KIF18A: variants seen among roughly 807,000 people sequenced by gnomAD.
KIF18A encodes kinesin-like protein KIF18A.
A neutral mutation model predicts 103.3 loss-of-function variants in KIF18A; 67 were observed. The observed-to-expected ratio is 0.65, with a 90% CI of 0.53 to 0.79. The LOEUF (loss-of-function observed/expected upper bound fraction) is 0.79. Among genes scored for constraint, KIF18A ranks in the 30% least tolerant of loss-of-function variants. The pLI is 0.00. For missense variants in KIF18A, 1,032 were observed against 1,062.5 expected, an observed-to-expected ratio of 0.97 and a Z score of 0.40; for synonymous variants, 367 against 355.5, an observed-to-expected ratio of 1.03 and a Z score of -0.36.
chr11:28,077,245 C>T, intron 9 of KIF18A, 76 bp from the exon 10 acceptor site: 1 of 1,017,688 alleles, frequency 9.8e-7, no homozygotes. Flanking sequence ...AAGAGAAATG[C>T]ATAAACAAAG....
intron 1 of KIF18A, among the ~76,000 whole-genome samples, chr11:28,101,050 T>G (rs550298474): frequency 6.6e-6 from 1 of 152,290 alleles, no homozygotes; most frequent in East Asian, 1.9e-4. Context: ...CTCCTGCTTC[T>G]TCTTGCCAAA....
rs992237529 is a variant in KIF18A at position 28,077,025 on chromosome 11, A to G, written c.1407T>C (p.Ser469=). ...TAATTACCTTTTCTACTTTGTCTTC[A>G]GAACACATCATTTCTATTTGTTTAT... ...QCHKQIEMMC[S]EDKVEKATGK... The change falls in exon 10 of 17, where the codon TCT becomes TCC. Residue 469 remains serine (S), a synonymous_variant. Coordinates refer to ENST00000263181, the MANE Select transcript of KIF18A (RefSeq NM_031217.4). 9 of 1,542,574 alleles carry G rather than the reference A, an allele frequency of 5.8e-6. No individual in the cohort carries two copies. The highest frequency in any genetic ancestry group is 7.9e-6 in the Non-Finnish European group (9 of 1,144,512).
At chr11:28,044,761 T>C (rs1229419781) in intron 13 of KIF18A, among the ~76,000 whole-genome samples, 1 of 149,672 alleles carries the variant, frequency 6.7e-6, no homozygotes, top group Non-Finnish European at 1.5e-5. Flanking sequence ...AAATCATGGA[T>C]TAGATGGAGA....
At chr11:28,068,962 A>C (rs762506096) in intron 11 of KIF18A, among the ~76,000 whole-genome samples, 30 of 152,188 alleles carry the variant, frequency 2.0e-4, no homozygotes, top group Non-Finnish European at 3.5e-4. Context: ...TAACCATAAC[A>C]CATTTAATGT....
At chr11:28,104,797 C>T (rs892156768) in intron 1 of KIF18A, among the ~76,000 whole-genome samples, 6 of 152,020 alleles carry the variant, frequency 3.9e-5, no homozygotes, top group African/African-American at 1.5e-4. Context: ...AATGAATAAA[C>T]CAGTACAGTT....
intron 3 of KIF18A, among the ~76,000 whole-genome samples, chr11:28,092,113 C>A (rs1269287164): frequency 6.6e-6 from 1 of 152,194 alleles, no homozygotes; most frequent in South Asian, 2.1e-4. Flanking sequence ...CCGCGCCCGG[C>A]CCATTTTCTT....
chr11:28,069,239 A>G lies in KIF18A; in HGVS notation c.1590+20T>C, dbSNP rs765910992. ...CTCAGTTCCTACAAATTAAATCTGA[A>G]CATACAGAGATATTTGTACCTTTGG... is the stretch of plus-strand genomic sequence containing the variant. On this transcript the variant is annotated intron_variant, in intron 11 of 16. Transcript: ENST00000263181. The G allele has an allele frequency of 6.3e-7, 1 of 1,594,006 alleles. No individual in the cohort carries two copies. Among genetic ancestry groups the G allele is most frequent in the South Asian group, 1.1e-5 (1 of 90,574 alleles).
chr11:28,050,817 T>G (rs1315564807), intron 13 of KIF18A, among the ~76,000 whole-genome samples: 1 of 151,822 alleles, frequency 6.6e-6, no homozygotes, highest in Non-Finnish European at 1.5e-5. Context: ...TATTTTACTC[T>G]TAGTCAATAC....
intron 13 of KIF18A, among the ~76,000 whole-genome samples, chr11:28,041,528 CTTATG>C (rs951898734): frequency 6.6e-6 from 1 of 151,656 alleles, no homozygotes; most frequent in Non-Finnish European, 1.5e-5. Flanking sequence ...AAAGGGGCAA[CTTATG>C]TTAGGATTTA....
intron 11 of KIF18A, among the ~76,000 whole-genome samples, chr11:28,065,666 A>T (rs1362722033): frequency 2.0e-5 from 3 of 152,104 alleles, no homozygotes; most frequent in Admixed American, 1.3e-4. Context: ...TACCATTTTT[A>T]AAATTGGAAG....
Position 28,088,710 on chromosome 11 carries a change from T to C in KIF18A, c.711A>G (p.Arg237=), listed in dbSNP as rs1385291874. The C allele has an allele frequency of 1.9e-6, 3 of 1,613,358 alleles. No homozygotes were observed. The highest frequency in any genetic ancestry group is 1.7e-6 in the Non-Finnish European group (2 of 1,179,518). The change falls in exon 6 of 17, where the codon CGA becomes CGG. Residue 237 remains arginine, a synonymous_variant. Coordinates refer to ENST00000263181, the MANE Select transcript of KIF18A (RefSeq NM_031217.4). ...TGATACTTGCTGTTTTGTCTTGTTG[T>C]CGCAAGTAAATCTTTTTGAAATTAC... ...RSHAVFQIYL[R]QQDKTASINQ... is the part of the protein sequence containing the mutation.
intron 13 of KIF18A, among the ~76,000 whole-genome samples, chr11:28,057,533 A>C (rs1850797349): frequency 6.6e-6 from 1 of 152,070 alleles, no homozygotes; most frequent in South Asian, 2.1e-4. Flanking sequence ...ACAAAACAAA[A>C]AAAACAAAAC....
At chr11:28,023,911 C>A in intron 15 of KIF18A, 61 bp from the exon 16 acceptor site, 1 of 770,102 alleles carries the variant, frequency 1.3e-6, no homozygotes, top group South Asian at 1.7e-5. Flanking sequence ...AGTTCTAATA[C>A]ATATTGTACA....
chr11:28,045,008 T>G (rs1319660598), intron 13 of KIF18A, among the ~76,000 whole-genome samples: 1 of 152,068 alleles, frequency 6.6e-6, no homozygotes, highest in African/African-American at 2.4e-5. Flanking sequence ...AGTGGTTAAG[T>G]GGTTAAAAAA....
intron 2 of KIF18A, among the ~76,000 whole-genome samples, chr11:28,096,173 C>CAAAAAAAAAAAAA (rs1156735166): frequency 2.0e-5 from 1 of 49,694 alleles, no homozygotes; most frequent in Non-Finnish European, 3.4e-5. Flanking sequence ...AAGACTTCAT[C>CAAAAAAAAAAAAA]AAAAAAAAAA....
At chr11:28,076,042 C>G (rs1851087203) in intron 10 of KIF18A, among the ~76,000 whole-genome samples, 1 of 151,664 alleles carries the variant, frequency 6.6e-6, no homozygotes, top group African/African-American at 2.4e-5. Context: ...TGGTATACCC[C>G]TAGTATAAAG....
chr11:28,026,318 A>C (rs979820755), intron 15 of KIF18A, among the ~76,000 whole-genome samples: 2 of 151,820 alleles, frequency 1.3e-5, no homozygotes, highest in African/African-American at 2.4e-5. Flanking sequence ...ACTATATTAG[A>C]ATATATACAC....
chr11:28,089,397 A>G (rs781528784), intron 5 of KIF18A, among the ~76,000 whole-genome samples: 9 of 152,142 alleles, frequency 5.9e-5, no homozygotes, highest in Non-Finnish European at 1.2e-4. Flanking sequence ...GTAGGAGCAT[A>G]CTCTAAAATA....
chr11:28,077,719 G>A (rs1198196272), intron 9 of KIF18A, among the ~76,000 whole-genome samples: 2 of 152,166 alleles, frequency 1.3e-5, no homozygotes, highest in East Asian at 3.9e-4. Context: ...AGTGAAAACA[G>A]ACCATACGGT....
Sources: gnomAD v4.1 joint callset for allele counts (sites outside exome capture counted in the v4.1 genomes callset) on GRCh38, gnomAD v4.1.1 for gene constraint, MANE v1.5 for transcripts, NCBI Gene and HGNC (gene_info 2026-07-23, HGNC 2026-07-21) for gene names.